GPR158: variants seen among roughly 807,000 people sequenced by gnomAD.
GPR158 encodes G protein-coupled receptor 158.
A neutral mutation model predicts 78.2 loss-of-function variants in GPR158; 30 were observed. The observed-to-expected ratio is 0.38, with a 90% CI of 0.29 to 0.52. The LOEUF (loss-of-function observed/expected upper bound fraction) is 0.52. Ranked by LOEUF, GPR158 falls within the 20% of genes least tolerant of loss-of-function variation. The pLI is 0.83. For synonymous variants in GPR158, 581 were observed against 591.1 expected, an observed-to-expected ratio of 0.98 and a Z score of 0.25; for missense variants, 1,463 against 1,523.5, an observed-to-expected ratio of 0.96 and a Z score of 0.66.
chr10:25,254,781 T>C (rs1391985902), intron 2 of GPR158, among the ~76,000 whole-genome samples: 3 of 152,222 alleles, frequency 2.0e-5, no homozygotes, highest in Non-Finnish European at 1.5e-5. Context: ...TAGTGTAATG[T>C]ATTTCTTGAT....
intron 5 of GPR158, among the ~76,000 whole-genome samples, chr10:25,529,725 A>G (rs1217616845): frequency 2.6e-5 from 4 of 152,202 alleles, no homozygotes; most frequent in Non-Finnish European, 5.9e-5. Context: ...CAGGAATACT[A>G]TGCCTTGGCC....
At chr10:25,433,842 T>C (rs571255048) in intron 4 of GPR158, among the ~76,000 whole-genome samples, 3 of 151,930 alleles carry the variant, frequency 2.0e-5, no homozygotes, top group African/African-American at 7.2e-5. Context: ...CTGGGATCTC[T>C]TTCTCTGTGT....
In GPR158 at chr10:25,325,232, G is replaced by A. The variant is rs533594048; in HGVS notation, c.1009-70679G>A. 3.3e-5 allele frequency among the ~76,000 whole-genome samples: 5 copies of A among 152,140 alleles called. No homozygotes were observed. In the East Asian group the frequency reaches 5.8e-4, roughly 18 times the overall value. ...AGATGAGGAGAAAGGGAGAGGATTC[G>A]AGCATAAAAACTGTGATTGACATTT... On this transcript the variant is annotated intron_variant, in intron 2 of 10. Coordinates refer to ENST00000376351, the MANE Select transcript of GPR158 (RefSeq NM_020752.3).
intron 5 of GPR158, among the ~76,000 whole-genome samples, chr10:25,522,639 C>T (rs1056102884): frequency 1.3e-5 from 2 of 152,174 alleles, no homozygotes; most frequent in African/African-American, 2.4e-5. Context: ...ACACAATTGA[C>T]TACTTACATA....
rs889057240 is a variant in GPR158, at chr10:25,540,247, C to T, written c.1405-10729C>T. 4.6e-4 allele frequency among the ~76,000 whole-genome samples: 70 copies of T among 152,266 alleles called. 1 individual carries two copies. The Middle Eastern group carries it at 0.01, about 22-fold the overall frequency. ...GCAAATCAAAACCACAATGAGATAC[C>T]ATCTCATACCAGTTAGAATGGTGAT... On this transcript the variant is annotated intron_variant, in intron 5 of 10. Transcript: ENST00000376351.
intron 2 of GPR158, among the ~76,000 whole-genome samples, chr10:25,327,967 A>G (rs1231522289): frequency 6.6e-6 from 1 of 152,198 alleles, no homozygotes; most frequent in Non-Finnish European, 1.5e-5. Flanking sequence ...GCTTAACTTA[A>G]TGGTTTGGTA....
chr10:25,303,572 C>T (rs1429183898), intron 2 of GPR158, among the ~76,000 whole-genome samples: 2 of 152,154 alleles, frequency 1.3e-5, no homozygotes, highest in Non-Finnish European at 2.9e-5. Context: ...AATAGTGGCG[C>T]AAACCGTTAA....
At chr10:25,279,471 AC>A (rs1258327627) in intron 2 of GPR158, among the ~76,000 whole-genome samples, 2 of 152,130 alleles carry the variant, frequency 1.3e-5, no homozygotes, top group Admixed American at 1.3e-4. Flanking sequence ...TGAGCCCTGA[AC>A]AAAGAATCAA....
intron 5 of GPR158, among the ~76,000 whole-genome samples, chr10:25,550,228 A>G (rs1213848905): frequency 1.3e-5 from 2 of 152,192 alleles, no homozygotes; most frequent in African/African-American, 4.8e-5. Flanking sequence ...TCCTATTTCC[A>G]TGTCTCTTTT....
At chr10:25,360,966 G>A (rs1156434513) in intron 2 of GPR158, among the ~76,000 whole-genome samples, 1 of 151,988 alleles carries the variant, frequency 6.6e-6, no homozygotes, top group Non-Finnish European at 1.5e-5. Flanking sequence ...TCTCCTTGAA[G>A]AGATCCTTCA....
At position 25,599,737 on chromosome 10, in the gene GPR158, T is replaced by G. The variant is rs1289670841; in HGVS notation, c.*463T>G. 1 of 154,748 alleles carries G rather than the reference T, an allele frequency of 6.5e-6. No homozygotes were observed. Among genetic ancestry groups the G allele is most frequent in the African/African-American group, 2.4e-5 (1 of 41,482 alleles). The allele number at this position is 154,748 out of a possible 1,614,324, so 9.6% of individuals were successfully genotyped here. A position where few individuals can be genotyped will look rare whatever the true frequency, so the allele number is the denominator to read the frequency against. On this transcript the variant is annotated 3_prime_UTR_variant, in exon 11 of 11. Coordinates refer to ENST00000376351, the MANE Select transcript of GPR158 (RefSeq NM_020752.3). ...TTGATAGCACTGCTAACTTAATGCA[T>G]CCCAAAAATATCTTTTATATTAATG... is the stretch of plus-strand genomic sequence containing the variant.
intron 4 of GPR158, among the ~76,000 whole-genome samples, chr10:25,430,710 T>C (rs1178348918): frequency 1.5e-5 from 2 of 132,848 alleles, no homozygotes; most frequent in African/African-American, 5.6e-5. Flanking sequence ...TAATGCCGCA[T>C]ACCTACAACT....
At chr10:25,505,849 G>A (rs926788972) in intron 5 of GPR158, among the ~76,000 whole-genome samples, 3 of 152,188 alleles carry the variant, frequency 2.0e-5, no homozygotes, top group Middle Eastern at 3.4e-3. Context: ...CTCAACTCAG[G>A]CTTTTTGTCA....
chr10:25,315,725 TTTAA>T (rs1483010137), intron 2 of GPR158, among the ~76,000 whole-genome samples: 11 of 101,304 alleles, frequency 1.1e-4, no homozygotes, highest in African/African-American at 8.4e-4. Context: ...TCCTTAAAAC[TTTAA>T]AGTTTTAAAG....
At chr10:25,228,240 A>C (rs1367721621) in intron 2 of GPR158, among the ~76,000 whole-genome samples, 1 of 152,184 alleles carries the variant, frequency 6.6e-6, no homozygotes, top group Non-Finnish European at 1.5e-5. Context: ...GTGCCCCTGC[A>C]CTTCAGCCTG....
At chr10:25,229,966 A>G (rs1588746650) in intron 2 of GPR158, among the ~76,000 whole-genome samples, 1 of 152,310 alleles carries the variant, frequency 6.6e-6, no homozygotes. Flanking sequence ...AAGTGATTGA[A>G]TGGACTGATA....
At chr10:25,373,486 T>G (rs1834033047) in intron 2 of GPR158, among the ~76,000 whole-genome samples, 1 of 151,986 alleles carries the variant, frequency 6.6e-6, no homozygotes, top group South Asian at 2.1e-4. Context: ...TTACATTTCT[T>G]TTTCTTATTT....
chr10:25,587,682 G>T (rs1837289276), intron 7 of GPR158, among the ~76,000 whole-genome samples: 1 of 152,156 alleles, frequency 6.6e-6, no homozygotes, highest in Non-Finnish European at 1.5e-5. Flanking sequence ...GAATAAGACA[G>T]ACCTACACTA....
At chr10:25,584,517 AT>A (rs1837242874) in intron 7 of GPR158, among the ~76,000 whole-genome samples, 1 of 152,222 alleles carries the variant, frequency 6.6e-6, no homozygotes, top group East Asian at 1.9e-4. Flanking sequence ...TAGCACACTA[AT>A]TAACCTGATA....
Sources: allele counts gnomAD v4.1 joint callset (sites outside exome capture counted in the v4.1 genomes callset), GRCh38; gene constraint gnomAD v4.1.1; transcripts MANE v1.5; gene names NCBI Gene and HGNC (gene_info 2026-07-23, HGNC 2026-07-21).